NPEPL1: variants seen among roughly 807,000 people sequenced by gnomAD.
NPEPL1 encodes probable aminopeptidase NPEPL1.
In NPEPL1, 45 loss-of-function variants were observed where a neutral mutation model predicts 52.4. The ratio of observed to expected loss-of-function variants is 0.86; its 90% CI spans 0.68 to 1.10. The LOEUF is 1.10. NPEPL1 is among the 50% of genes least tolerant of loss of function. The pLI is 0.00. For synonymous variants in NPEPL1, 360 were observed against 314.7 expected (o/e 1.14, Z -1.52); for missense variants, 696 against 710.9 (o/e 0.98, Z 0.24).
At chr20:58,709,502 A>G (rs1035211007) in intron 7 of NPEPL1, among the ~76,000 whole-genome samples, 21 of 152,190 alleles carry the variant, frequency 1.4e-4, no homozygotes, top group African/African-American at 4.6e-4. Context: ...GCTTCATTCC[A>G]GGTGAGAGTG....
chr20:58,702,101 A>ACTGCAAACTAG (rs1422567809), intron 6 of NPEPL1, among the ~76,000 whole-genome samples: 1 of 152,270 alleles, frequency 6.6e-6, no homozygotes, highest in African/African-American at 2.4e-5. Flanking sequence ...CGCAGCAGAC[A>ACTGCAAACTAG]CTGCAAACTA....
At chr20:58,694,119 CAG>C (rs1436587574) in intron 2 of NPEPL1, among the ~76,000 whole-genome samples, 197 bp downstream of exon 2, 17 of 152,342 alleles carry the variant, frequency 1.1e-4, no homozygotes, top group African/African-American at 3.8e-4. Flanking sequence ...GGTGGCAAAT[CAG>C]AGACTCAAAC....
intron 5 of NPEPL1, among the ~76,000 whole-genome samples, chr20:58,699,951 G>T (rs2084579096): frequency 6.6e-6 from 1 of 152,230 alleles, no homozygotes; most frequent in Non-Finnish European, 1.5e-5. Context: ...CCCTGGTGCA[G>T]CGTCTCTGCC....
intron 6 of NPEPL1, chr20:58,703,426 C>G (rs966537123): frequency 2.0e-6 from 2 of 977,002 alleles, no homozygotes; most frequent in South Asian, 9.5e-5. Context: ...ACAGATAGTG[C>G]ACCCCCTACT....
At chr20:58,708,896 G>T (rs117098647) in intron 7 of NPEPL1, among the ~76,000 whole-genome samples, 29 of 151,870 alleles carry the variant, frequency 1.9e-4, no homozygotes, top group Non-Finnish European at 4.3e-4. Flanking sequence ...TGGAGGAGCC[G>T]TGTGGCCAGC....
intron 7 of NPEPL1, among the ~76,000 whole-genome samples, chr20:58,710,334 G>A (rs1348467139): frequency 2.6e-5 from 4 of 152,146 alleles, no homozygotes; most frequent in Non-Finnish European, 5.9e-5. Context: ...GCTCCTGGCT[G>A]TTTGTGACTA....
rs894163783 is a variant in NPEPL1, at chr20:58,694,893, G to A, written c.507+301G>A. Among the ~76,000 whole-genome samples, 3 of 152,360 alleles carry A rather than the reference G, an allele frequency of 2.0e-5. No individual in the cohort carries two copies. In the South Asian group the frequency reaches 6.2e-4, roughly 32 times the overall value. ...AACCCTGCCCGTTTATGTGAGCTCCGTGTGCACGTGTGTGATGTATGCACG... is the reference window on the plus strand; with the variant it reads ...AACCCTGCCCGTTTATGTGAGCTCCATGTGCACGTGTGTGATGTATGCACG... On this transcript the variant is annotated intron_variant, in intron 3 of 11. Coordinates refer to ENST00000356091, the MANE Select transcript of NPEPL1 (RefSeq NM_024663.4).
rs2084383068 is a variant in NPEPL1 at position 58,692,871 on chromosome 20, G to GGCCGT, written c.-28_-27insCGTGC. ...CCGAGCGGCGGGCCGGGCCGGGCCGGGCAGGGCCGGGGCGTGGGCCGGCAG... is the reference window on the plus strand; with the variant it reads ...CCGAGCGGCGGGCCGGGCCGGGCCGGGCCGTGCAGGGCCGGGGCGTGGGCCGGCAG... On this transcript the variant is annotated 5_prime_UTR_variant, in exon 1 of 12. Coordinates refer to ENST00000356091, the MANE Select transcript of NPEPL1 (RefSeq NM_024663.4). This position sits in a 1 kb window ranked among gnomAD's most constrained non-coding sequence, Gnocchi z 5.7. 2.2e-5 allele frequency: 22 copies of GGCCGT among 1,014,976 alleles called. No individual in the cohort carries two copies. The highest frequency in any genetic ancestry group is 2.5e-5 in the Non-Finnish European group (21 of 849,024). The allele number at this position is 1,014,976 out of a possible 1,614,324, so 62.9% of individuals were successfully genotyped here.
At chr20:58,691,364 C>CTTTTTTTTT (rs59929508), upstream of NPEPL1, 10 of 177,276 alleles carry the variant, frequency 5.6e-5, 1 homozygote, top group Non-Finnish European at 6.7e-5. Flanking sequence ...CATTCAACAG[C>CTTTTTTTTT]TTTTTTTTTT....
chr20:58,703,478 C>T (rs1168851650), intron 6 of NPEPL1: 2 of 973,138 alleles, frequency 2.1e-6, no homozygotes, highest in Admixed American at 6.3e-5. Flanking sequence ...CGCACGCACC[C>T]TCAATACCCA....
upstream of NPEPL1, chr20:58,691,884 G>C (rs1027387470): frequency 1.2e-5 from 13 of 1,075,874 alleles, no homozygotes; most frequent in East Asian, 7.7e-5. Flanking sequence ...CCAATGCATC[G>C]TCATTCCCTG....
intron 7 of NPEPL1, among the ~76,000 whole-genome samples, chr20:58,712,119 G>A (rs2123148985): frequency 6.6e-6 from 1 of 152,328 alleles, no homozygotes; most frequent in Admixed American, 6.5e-5. Context: ...GTACGTGTGT[G>A]TGTGTGTGTA....
intron 6 of NPEPL1, chr20:58,704,390 T>G: frequency 1.0e-6 from 1 of 985,324 alleles, no homozygotes; most frequent in Non-Finnish European, 1.2e-6. Flanking sequence ...CTTTACGCTC[T>G]TAACAAGTAC....
chr20:58,693,685 C>A, intron 1 of NPEPL1, 52 bp from the exon 2 acceptor site: 1 of 1,522,368 alleles, frequency 6.6e-7, no homozygotes, highest in South Asian at 1.2e-5. Flanking sequence ...GGCCTCCTGG[C>A]ACGTGGCCGC....
chr20:58,696,629 C>T (rs1018913998), intron 3 of NPEPL1, among the ~76,000 whole-genome samples: 1 of 152,254 alleles, frequency 6.6e-6, no homozygotes, highest in African/African-American at 2.4e-5. Context: ...GAGGTGCTCT[C>T]CTGGGCTGTG....
chr20:58,704,634 AAG>A (rs1310058282), intron 6 of NPEPL1, among the ~76,000 whole-genome samples: 6 of 150,828 alleles, frequency 4.0e-5, no homozygotes, highest in Non-Finnish European at 8.9e-5. Flanking sequence ...GGCTTAATAG[AAG>A]ACAGCTAGGG....
At chr20:58,695,575 G>A (rs1052238312) in intron 3 of NPEPL1, among the ~76,000 whole-genome samples, 17 of 152,052 alleles carry the variant, frequency 1.1e-4, no homozygotes, top group African/African-American at 3.4e-4. Context: ...ATGTGTCAGC[G>A]CTCATTCTTC....
Position 58,715,416 on chromosome 20 carries a change from G to C in NPEPL1, c.*90G>C. The C allele has an allele frequency of 1.5e-6, 2 of 1,344,784 alleles. No homozygotes were observed. The highest frequency in any genetic ancestry group is 2.0e-6 in the Non-Finnish European group (2 of 1,017,740). 83.3% of individuals were successfully genotyped at this position (1,344,784 alleles called of 1,614,324 possible). The stretch of plus-strand genomic sequence containing the variant: ...CAATTGAAAGATTGCCCTTCATATG[G>C]GTTTTGGTTTGTCTTTCTGGTCGTC... On this transcript the variant is annotated 3_prime_UTR_variant, in exon 12 of 12. Coordinates refer to ENST00000356091, the MANE Select transcript of NPEPL1 (RefSeq NM_024663.4).
chr20:58,694,561 A>G lies in NPEPL1; in HGVS notation c.476A>G (p.Asp159Gly). The change falls in exon 3 of 12, where the codon GAC (aspartate) becomes GGC (glycine). Residue 159 changes from aspartate (D) to glycine (G), a missense_variant. Transcript: ENST00000356091. ...GTGGAGTTTTTCCTGGTGGGACAAG[A>G]CAACGGGCCGGTGGAGGTGTCCACA... ...VTVEFFLVGQ[D>G]NGPVEVSTLQ... The G allele has an allele frequency of 6.2e-7, 1 of 1,613,820 alleles. No homozygotes were observed. The highest frequency in any genetic ancestry group is 1.1e-5 in the South Asian group (1 of 91,060).
Sources: allele counts gnomAD v4.1 joint callset (sites outside exome capture counted in the v4.1 genomes callset), GRCh38; gene constraint gnomAD v4.1.1; non-coding constraint Gnocchi (gnomAD v3.1); transcripts MANE v1.5; gene names NCBI Gene and HGNC (gene_info 2026-07-23, HGNC 2026-07-21).